Variants in ITCH observed in about 807,000 individuals in gnomAD.
The protein encoded by ITCH is E3 ubiquitin-protein ligase Itchy homolog.
A neutral mutation model predicts 126.8 loss-of-function variants in ITCH; 28 were observed. That is an observed-to-expected ratio of 0.22 (90% confidence interval 0.16 to 0.30). The LOEUF is 0.30. Among genes scored for constraint, ITCH ranks in the 10% least tolerant of loss-of-function variants. ITCH has a pLI of 1.00. For synonymous variants in ITCH, 342 were observed against 340.0 expected (o/e 1.01, Z -0.06); for missense variants, 631 against 1,032.4 (o/e 0.61, Z 5.33).
At chr20:34,411,289 T>G (rs2146161942) in intron 4 of ITCH, among the ~76,000 whole-genome samples, 1 of 152,068 alleles carries the variant, frequency 6.6e-6, no homozygotes, top group East Asian at 1.9e-4. Flanking sequence ...GTAGCTGGGA[T>G]TACAGGCATG....
intron 23 of ITCH, among the ~76,000 whole-genome samples, chr20:34,499,641 TTTTCA>T (rs1990126176): frequency 2.0e-5 from 3 of 151,972 alleles, no homozygotes; most frequent in African/African-American, 7.2e-5. Flanking sequence ...AAAAAACAAC[TTTTCA>T]TTTCATCTAT....
intron 7 of ITCH, among the ~76,000 whole-genome samples, chr20:34,436,170 A>C (rs899566924): frequency 6.6e-6 from 1 of 152,164 alleles, no homozygotes; most frequent in Non-Finnish European, 1.5e-5. Context: ...TCATGCACTG[A>C]ATGTTCCTTC....
chr20:34,406,086 A>G (rs2039049327), intron 3 of ITCH, among the ~76,000 whole-genome samples: 1 of 151,782 alleles, frequency 6.6e-6, no homozygotes, highest in Non-Finnish European at 1.5e-5. Flanking sequence ...CAGTGGTGCA[A>G]TCACAGCTCA....
chr20:34,486,951 G>A (rs2146497149), intron 20 of ITCH, among the ~76,000 whole-genome samples: 1 of 150,618 alleles, frequency 6.6e-6, no homozygotes, highest in Non-Finnish European at 1.5e-5. Flanking sequence ...CAAAGTGCTG[G>A]GATTACAGAT....
At chr20:34,377,481 A>T (rs1171788512) in intron 2 of ITCH, among the ~76,000 whole-genome samples, 2 of 152,144 alleles carry the variant, frequency 1.3e-5, no homozygotes, top group African/African-American at 4.8e-5. Context: ...CTTAGTTTAT[A>T]CATTGAATTT....
At chr20:34,375,247 G>A (rs1423011242) in intron 2 of ITCH, among the ~76,000 whole-genome samples, 1 of 151,328 alleles carries the variant, frequency 6.6e-6, no homozygotes, top group African/African-American at 2.4e-5. Flanking sequence ...CTCCATGTTG[G>A]TCAGGCTGGT....
Position 34,445,386 on chromosome 20 carries a change from C to G in ITCH, c.1065C>G (p.Asn355Lys), listed in dbSNP as rs770092708. 3 of 1,613,526 alleles carry G rather than the reference C, an allele frequency of 1.9e-6. No homozygotes were observed. The highest frequency in any genetic ancestry group is 1.3e-5 in the African/African-American group (1 of 74,880). ...GGCCAACACTGGAATCCGTCCGGAA[C>G]TATGAACAATGGCAGCTACAGCGTA... ...WQRPTLESVR[N>K]YEQWQLQRSQ... Residue 355 changes from asparagine (N) to lysine (K), a missense_variant, in exon 11 of 25, where the codon AAC becomes AAG. Around this residue, in one of 4 missense-constraint regions of ITCH, gnomAD observed 390 missense variants for 731.6 expected, o/e 0.53. Transcript: ENST00000374864.
At chr20:34,364,100 T>G (rs902302935) in intron 1 of ITCH, among the ~76,000 whole-genome samples, 1 of 152,274 alleles carries the variant, frequency 6.6e-6, no homozygotes, top group South Asian at 2.1e-4. Context: ...ACTCAAGTTT[T>G]CCAAGACAGT....
intron 9 of ITCH, chr20:34,441,793 C>G (rs1243743578): frequency 1.4e-5 from 3 of 210,308 alleles, no homozygotes; most frequent in Non-Finnish European, 2.9e-5. Flanking sequence ...ACCATGTTGG[C>G]CAGGCTGGTC....
intron 20 of ITCH, among the ~76,000 whole-genome samples, chr20:34,483,715 C>A (rs1249931208): frequency 6.6e-6 from 1 of 152,170 alleles, no homozygotes; most frequent in Non-Finnish European, 1.5e-5. Context: ...CCAAACTGTT[C>A]CAACGTCTGC....
rs570177056 is a variant in ITCH, at chr20:34,380,794, T to A, written c.-22+11324T>A. 4.1e-4 allele frequency among the ~76,000 whole-genome samples: 63 copies of A among 152,024 alleles called. 1 individual carries two copies. The highest frequency in any genetic ancestry group is 2.6e-3 in the Admixed American group (40 of 15,238). On this transcript the variant is annotated intron_variant, in intron 2 of 24. Transcript: ENST00000374864. ...AAAATTAGAAACTTTGACCCTTTTTTAATTTATTTTTGAGACAGAGTCTCA... is the reference window on the plus strand; with the variant it reads ...AAAATTAGAAACTTTGACCCTTTTTAAATTTATTTTTGAGACAGAGTCTCA...
rs1401744469 is a variant in ITCH, at chr20:34,509,668, T to G, written c.*1874T>G. ...TGTGGTTTCTAAAAGCCCTGGTTGT[T>G]AAAAGTAGGGACTCTGCCTTTTTGT... On this transcript the variant is annotated 3_prime_UTR_variant, in exon 25 of 25. Coordinates refer to ENST00000374864, the MANE Select transcript of ITCH (RefSeq NM_031483.7). 2 of 152,608 alleles carry G rather than the reference T, an allele frequency of 1.3e-5. No individual in the cohort carries two copies. The highest frequency in any genetic ancestry group is 2.4e-5 in the African/African-American group (1 of 41,438). 9.5% of individuals were successfully genotyped at this position (152,608 alleles called of 1,614,324 possible).
intron 12 of ITCH, among the ~76,000 whole-genome samples, chr20:34,456,167 T>A (rs1318153209): frequency 2.7e-5 from 1 of 36,432 alleles, no homozygotes; most frequent in Non-Finnish European, 4.5e-5. Flanking sequence ...ATTGTGTGTG[T>A]GTGTGTGTGT....
At chr20:34,403,360 G>T (rs78863521) in intron 3 of ITCH, among the ~76,000 whole-genome samples, 124 of 152,288 alleles carry the variant, frequency 8.1e-4, no homozygotes, top group African/African-American at 2.7e-3. Flanking sequence ...AGGAACATTA[G>T]TTTAAGCCAT....
intron 7 of ITCH, among the ~76,000 whole-genome samples, chr20:34,427,143 A>T (rs1388462215): frequency 1.3e-5 from 2 of 152,240 alleles, no homozygotes; most frequent in African/African-American, 4.8e-5. Context: ...ATCAAAGTTT[A>T]TAAAGCTGTT....
chr20:34,443,562 G>A (rs1984049838), intron 10 of ITCH, among the ~76,000 whole-genome samples: 1 of 152,040 alleles, frequency 6.6e-6, no homozygotes, highest in African/African-American at 2.4e-5. Context: ...CCAGAGGAAA[G>A]TCAGTAACAA....
chr20:34,445,536 C>T (rs909954664), intron 11 of ITCH, 75 bp downstream of exon 11: 102 of 1,466,828 alleles, frequency 7.0e-5, no homozygotes, highest in Non-Finnish European at 9.4e-5. Flanking sequence ...TCATGGAAAG[C>T]ACTAAAAAGA....
intron 3 of ITCH, 51 bp from the exon 4 acceptor site, chr20:34,408,600 G>T: frequency 6.7e-7 from 1 of 1,499,904 alleles, no homozygotes; most frequent in South Asian, 1.2e-5. Flanking sequence ...TTGATTTCAT[G>T]AGTGAATTAA....
intron 6 of ITCH, among the ~76,000 whole-genome samples, chr20:34,420,800 T>TA (rs1462335770): frequency 1.3e-5 from 2 of 152,230 alleles, no homozygotes; most frequent in Non-Finnish European, 2.9e-5. Flanking sequence ...ATTGCAAGTT[T>TA]ATATTTGATC....
Sources: gnomAD v4.1 joint callset for allele counts (sites outside exome capture counted in the v4.1 genomes callset) on GRCh38, gnomAD v4.1.1 for gene constraint, gnomAD v4.1.1 regional missense constraint, MANE v1.5 for transcripts, NCBI Gene and HGNC (gene_info 2026-07-23, HGNC 2026-07-21) for gene names.